The following SIPA1L2 variants were observed in gnomAD, a reference collection of about 807,000 sequenced individuals.
SIPA1L2 encodes signal induced proliferation associated 1 like 2.
SIPA1L2 carries 56 observed loss-of-function variants against 163.9 expected under a neutral mutation model. That is an observed-to-expected ratio of 0.34 (90% CI 0.28 to 0.43). The LOEUF (loss-of-function observed/expected upper bound fraction) is 0.43, where lower values mean the gene tolerates loss of function less well. SIPA1L2 is among the 20% of genes least tolerant of loss of function. The probability of loss-of-function intolerance (pLI) is 1.00; values close to 1 mark genes in which losing one functional copy is unlikely to be tolerated. For synonymous variants in SIPA1L2, 877 were observed against 865.7 expected, an observed-to-expected ratio of 1.01 and a Z score of -0.23; for missense variants, 1,974 against 2,193.5, an observed-to-expected ratio of 0.90 and a Z score of 2.00.
chr1:232,478,016 CCA>C (rs1665134738), intron 7 of SIPA1L2, among the ~76,000 whole-genome samples: 1 of 152,164 alleles, frequency 6.6e-6, no homozygotes, highest in South Asian at 2.1e-4. Flanking sequence ...GCAACAACTC[CCA>C]CAGAGTTTAA....
At chr1:232,612,650 C>T (rs188165164) in intron 1 of SIPA1L2, among the ~76,000 whole-genome samples, 11 of 152,308 alleles carry the variant, frequency 7.2e-5, no homozygotes, top group African/African-American at 2.4e-4. Flanking sequence ...TGTATTTACT[C>T]ATACCTATAT....
intron 2 of SIPA1L2, among the ~76,000 whole-genome samples, chr1:232,524,368 C>T (rs1393548246): frequency 1.3e-5 from 2 of 152,174 alleles, no homozygotes; most frequent in Admixed American, 6.5e-5. Flanking sequence ...GTCACACACA[C>T]AAACACACTC....
At chr1:232,548,002 A>G (rs983003689) in intron 2 of SIPA1L2, among the ~76,000 whole-genome samples, 3 of 152,246 alleles carry the variant, frequency 2.0e-5, no homozygotes, top group Non-Finnish European at 4.4e-5. Context: ...GGCCTGACAC[A>G]CAACTGGCTG....
At chr1:232,516,118 T>C (rs1667210008) in intron 2 of SIPA1L2, among the ~76,000 whole-genome samples, 1 of 152,240 alleles carries the variant, frequency 6.6e-6, no homozygotes. Context: ...ATTATTAGTT[T>C]AGTTTCTTTC....
Position 232,439,973 on chromosome 1 carries a change from G to T in SIPA1L2, c.3643-477C>A, listed in dbSNP as rs149151247. On this transcript the variant is annotated intron_variant, in intron 14 of 22. Transcript: ENST00000674635. ...TAATCACTTAACCCTCTCTGTGCTT[G>T]TAATACCGAGCTTACATGATTCCTG... Among the ~76,000 whole-genome samples, 4 of 152,306 alleles carry T rather than the reference G, an allele frequency of 2.6e-5. No homozygotes were observed. In the South Asian group the frequency reaches 8.3e-4, roughly 32 times the overall value.
intron 3 of SIPA1L2, among the ~76,000 whole-genome samples, chr1:232,511,358 T>G (rs1666971887): frequency 6.6e-6 from 1 of 152,170 alleles, no homozygotes; most frequent in East Asian, 1.9e-4. Flanking sequence ...TATTATGTCA[T>G]CAGTATGAGG....
chr1:232,425,577 C>G lies in SIPA1L2; in HGVS notation c.4630+12G>C. The G allele has an allele frequency of 6.4e-7, 1 of 1,553,926 alleles. No individual in the cohort carries two copies. The highest frequency in any genetic ancestry group is 8.7e-7 in the Non-Finnish European group (1 of 1,144,852). On this transcript the variant is annotated intron_variant, in intron 18 of 22. Coordinates refer to ENST00000674635, the MANE Select transcript of SIPA1L2 (RefSeq NM_020808.5). ...TCGGCGCTGGCCAGGGAGCAGCCAG[C>G]CCCTCACTTACTTCTCAGGCTCCCC...
intron 3 of SIPA1L2, among the ~76,000 whole-genome samples, chr1:232,504,195 C>T (rs967980261): frequency 3.3e-5 from 5 of 151,096 alleles, no homozygotes; most frequent in African/African-American, 9.7e-5. Flanking sequence ...GAGTGAGACT[C>T]CATCTCAAAA....
At chr1:232,532,515 T>C (rs1657025821) in intron 2 of SIPA1L2, among the ~76,000 whole-genome samples, 1 of 152,218 alleles carries the variant, frequency 6.6e-6, no homozygotes, top group African/African-American at 2.4e-5. Context: ...CACTTCTTAC[T>C]GTAAACTCAG....
chr1:232,524,910 C>T (rs548607766), intron 2 of SIPA1L2, among the ~76,000 whole-genome samples: 1 of 152,236 alleles, frequency 6.6e-6, no homozygotes, highest in Non-Finnish European at 1.5e-5. Context: ...AATTATGTAA[C>T]TGTATATGTA....
chr1:232,484,735 C>A (rs1665559445), intron 5 of SIPA1L2, among the ~76,000 whole-genome samples: 1 of 152,166 alleles, frequency 6.6e-6, no homozygotes, highest in Admixed American at 6.5e-5. Flanking sequence ...AAACTGGAGG[C>A]ATTTTCACAC....
Position 232,461,091 on chromosome 1 carries a change from T to A in SIPA1L2, c.2891A>T (p.His964Leu). 6.2e-7 allele frequency: 1 copy of A among 1,614,276 alleles called. No individual in the cohort carries two copies. Among genetic ancestry groups the A allele is most frequent in the Non-Finnish European group, 8.5e-7 (1 of 1,180,052 alleles). ...RRNGLGQLGF[H>L]VNFEGIVADV... ...TGCGACAATTCCTTCAAAATTCACA[T>A]GGAAGCCAAGCTGGCCCAGCCCGTT... Residue 964 changes from histidine to leucine, a missense_variant, in exon 10 of 23, where the codon CAT becomes CTT. By Grantham distance (99) the His-to-Leu change is moderately conservative (BLOSUM62 -3). Transcript: ENST00000674635.
intron 3 of SIPA1L2, among the ~76,000 whole-genome samples, chr1:232,508,433 A>G (rs2103031824): frequency 6.6e-6 from 1 of 152,346 alleles, no homozygotes; most frequent in East Asian, 1.9e-4. Context: ...GTCAACACAC[A>G]GTGTCTGGGC....
chr1:232,474,709 A>G (rs1664953148), intron 7 of SIPA1L2, among the ~76,000 whole-genome samples: 1 of 152,226 alleles, frequency 6.6e-6, no homozygotes, highest in Non-Finnish European at 1.5e-5. Flanking sequence ...GTATCAAAAT[A>G]CAGCGTGTAA....
chr1:232,513,076 G>A (rs932461661), intron 3 of SIPA1L2, among the ~76,000 whole-genome samples: 2 of 152,192 alleles, frequency 1.3e-5, no homozygotes, highest in Non-Finnish European at 2.9e-5. Context: ...GGTGGTGAGA[G>A]GTGCCGGAGT....
At chr1:232,553,154 A>ATG (rs2103141328) in intron 2 of SIPA1L2, among the ~76,000 whole-genome samples, 1 of 152,256 alleles carries the variant, frequency 6.6e-6, no homozygotes, top group South Asian at 2.1e-4. Flanking sequence ...AGCAGGATGG[A>ATG]TGAGGAGCTG....
chr1:232,469,452 T>C (rs1016475263), intron 8 of SIPA1L2, among the ~76,000 whole-genome samples: 14 of 152,186 alleles, frequency 9.2e-5, no homozygotes, highest in African/African-American at 3.1e-4. Context: ...CTTCATAAAA[T>C]GTTATGGAAT....
chr1:232,529,047 A>G (rs1667850311), intron 2 of SIPA1L2, among the ~76,000 whole-genome samples: 1 of 152,230 alleles, frequency 6.6e-6, no homozygotes, highest in Admixed American at 6.5e-5. Flanking sequence ...ACACTAGTCA[A>G]GAGCAAAATG....
intron 16 of SIPA1L2, 107 bp from the exon 17 acceptor site, chr1:232,428,671 A>G (rs1411146333): frequency 1.3e-6 from 1 of 760,450 alleles, no homozygotes; most frequent in African/African-American, 1.8e-5. Flanking sequence ...GCATACAAAC[A>G]CTTCTTAGGT....
Sources: allele counts gnomAD v4.1 joint callset (sites outside exome capture counted in the v4.1 genomes callset), GRCh38; gene constraint gnomAD v4.1.1; transcripts MANE v1.5; gene names NCBI Gene and HGNC (gene_info 2026-07-23, HGNC 2026-07-21).